The following STK3 variants were observed in gnomAD, a reference collection of about 807,000 sequenced individuals.
STK3 encodes serine/threonine kinase 3, also known as serine/threonine-protein kinase 3.
In STK3, 41 loss-of-function variants were observed where a neutral mutation model predicts 58.0. That is an observed-to-expected ratio of 0.71 (90% CI 0.55 to 0.92). The LOEUF (loss-of-function observed/expected upper bound fraction) is 0.92. Among genes scored for constraint, STK3 ranks in the 40% least tolerant of loss-of-function variants. STK3 has a pLI of 0.00. For missense variants in STK3, 479 were observed against 602.7 expected (o/e 0.79, Z 2.15); for synonymous variants, 170 against 191.0 (o/e 0.89, Z 0.91).
chr8:98,511,698 A>G (rs1824528809), intron 10 of STK3, among the ~76,000 whole-genome samples: 1 of 152,118 alleles, frequency 6.6e-6, no homozygotes, highest in Non-Finnish European at 1.5e-5. Flanking sequence ...TGTATTATCA[A>G]TCTGAACACA....
intron 7 of STK3, among the ~76,000 whole-genome samples, chr8:98,587,381 G>A (rs1207240086): frequency 6.6e-6 from 1 of 151,988 alleles, no homozygotes; most frequent in African/African-American, 2.4e-5. Flanking sequence ...GGAGCAGGTT[G>A]TTCAGTTTCC....
At chr8:98,830,215 A>T (rs1301201207), upstream of STK3, among the ~76,000 whole-genome samples, 1 of 152,040 alleles carries the variant, frequency 6.6e-6, no homozygotes, top group African/African-American at 2.4e-5. Flanking sequence ...ACAACAGAGC[A>T]AAACTCTGCC....
intron 6 of STK3, among the ~76,000 whole-genome samples, chr8:98,692,111 A>G (rs1824455501): frequency 6.6e-6 from 1 of 152,184 alleles, no homozygotes; most frequent in African/African-American, 2.4e-5. Flanking sequence ...TTAGCAAAGA[A>G]AAACAACAGA....
chr8:98,922,183 C>T (rs1424041851), intron 1 of STK3, among the ~76,000 whole-genome samples: 2 of 152,164 alleles, frequency 1.3e-5, no homozygotes, highest in African/African-American at 4.8e-5. Context: ...TCTGGCATTG[C>T]CCTTTCTTCC....
chr8:98,559,331 T>C (rs1811832859), intron 8 of STK3, among the ~76,000 whole-genome samples: 1 of 152,112 alleles, frequency 6.6e-6, no homozygotes, highest in African/African-American at 2.4e-5. Context: ...GAGAAATGTA[T>C]AGTTTAATGG....
At chr8:98,832,988 T>C (rs1278017413) in intron 3 of STK3, among the ~76,000 whole-genome samples, 1 of 152,124 alleles carries the variant, frequency 6.6e-6, no homozygotes, top group Non-Finnish European at 1.5e-5. Flanking sequence ...GTCACAGACA[T>C]GTTGATGAAA....
chr8:98,398,665 C>T (rs1407498845), downstream of STK3, among the ~76,000 whole-genome samples: 1 of 152,132 alleles, frequency 6.6e-6, no homozygotes, highest in Admixed American at 6.6e-5. Flanking sequence ...TCTGCATGCT[C>T]CCATCTCCCC....
chr8:98,548,428 G>A (rs1210214133), intron 8 of STK3, among the ~76,000 whole-genome samples: 1 of 151,990 alleles, frequency 6.6e-6, no homozygotes, highest in Non-Finnish European at 1.5e-5. Flanking sequence ...GATTAAGATA[G>A]GTAAACTATC....
chr8:98,458,030 T>C (rs1819630734), intron 10 of STK3, among the ~76,000 whole-genome samples: 1 of 152,172 alleles, frequency 6.6e-6, no homozygotes, highest in African/African-American at 2.4e-5. Context: ...GAATTAGGTG[T>C]TCATGTAAGT....
chr8:98,878,227 A>G (rs1837633658), intron 3 of STK3, among the ~76,000 whole-genome samples: 1 of 151,732 alleles, frequency 6.6e-6, no homozygotes, highest in Non-Finnish European at 1.5e-5. Context: ...TAATTTTTGT[A>G]TTTTTGGTAA....
intron 1 of STK3, among the ~76,000 whole-genome samples, chr8:98,808,763 C>T (rs1834037279): frequency 6.6e-6 from 1 of 152,102 alleles, no homozygotes; most frequent in Non-Finnish European, 1.5e-5. Context: ...TTATCTTTTG[C>T]TATTCATAAT....
chr8:98,556,711 G>A (rs890215883), intron 8 of STK3, among the ~76,000 whole-genome samples: 1 of 152,048 alleles, frequency 6.6e-6, no homozygotes, highest in African/African-American at 2.4e-5. Flanking sequence ...TTGGAGAAGG[G>A]AAAGACTGGA....
intron 9 of STK3, among the ~76,000 whole-genome samples, chr8:98,530,426 G>A (rs1466632613): frequency 6.6e-6 from 1 of 152,154 alleles, no homozygotes; most frequent in Non-Finnish European, 1.5e-5. Context: ...TTTTCTAAAA[G>A]TTATGTTTAG....
At chr8:98,694,686 T>C (rs867202924) in intron 6 of STK3, among the ~76,000 whole-genome samples, 11 of 152,230 alleles carry the variant, frequency 7.2e-5, no homozygotes, top group Non-Finnish European at 1.6e-4. Context: ...GAACTCATCA[T>C]TTTTTATGGC....
chr8:98,396,993 A>T (rs1417707410), downstream of STK3, among the ~76,000 whole-genome samples: 1 of 152,220 alleles, frequency 6.6e-6, no homozygotes, highest in Non-Finnish European at 1.5e-5. Context: ...TTTTATAGAT[A>T]AGGAAACTAA....
At chr8:98,590,600 C>G (rs537663241) in intron 7 of STK3, among the ~76,000 whole-genome samples, 8 of 152,298 alleles carry the variant, frequency 5.3e-5, no homozygotes, top group African/African-American at 1.7e-4. Context: ...GGAGGCCCCC[C>G]GATCCAAGTC....
chr8:98,591,314 A>C (rs1300863719), intron 7 of STK3, among the ~76,000 whole-genome samples: 2 of 152,194 alleles, frequency 1.3e-5, no homozygotes, highest in African/African-American at 2.4e-5. Flanking sequence ...TTTCACATTC[A>C]ATTGCGTCTA....
At chr8:98,364,833 C>T in the STK3 span, among the ~76,000 whole-genome samples, 1 of 152,240 alleles carries the variant, frequency 6.6e-6, no homozygotes, top group Non-Finnish European at 1.5e-5. Context: ...GGAAAGATAG[C>T]TCACGGTATT....
intron 3 of STK3, among the ~76,000 whole-genome samples, chr8:98,406,760 C>T (rs1350255529): frequency 6.6e-6 from 1 of 152,120 alleles, no homozygotes; most frequent in Non-Finnish European, 1.5e-5. Flanking sequence ...CTTTTTTTCC[C>T]AGCATCCTTT....
Sources: allele counts gnomAD v4.1 joint callset (sites outside exome capture counted in the v4.1 genomes callset), GRCh38; gene constraint gnomAD v4.1.1; transcripts MANE v1.5; gene names NCBI Gene and HGNC (gene_info 2026-07-23, HGNC 2026-07-21).